AGBL1: variants seen among roughly 807,000 people sequenced by gnomAD.
AGBL1 encodes AGBL carboxypeptidase 1.
In AGBL1, 130 loss-of-function variants were observed where a neutral mutation model predicts 118.9. The observed-to-expected ratio is 1.09, with a 90% CI of 0.95 to 1.26. The LOEUF (loss-of-function observed/expected upper bound fraction) is 1.26. Among genes scored for constraint, AGBL1 ranks in the 50% most tolerant of loss-of-function variants. The pLI, the probability that AGBL1 is intolerant of heterozygous loss-of-function variation, is 0.00. For missense variants in AGBL1, 1,584 were observed against 1,298.1 expected (o/e 1.22, Z -3.38); for synonymous variants, 555 against 478.9 (o/e 1.16, Z -2.08).
At chr15:87,020,669 C>A (rs1206743365) in intron 24 of AGBL1, among the ~76,000 whole-genome samples, 1 of 151,992 alleles carries the variant, frequency 6.6e-6, no homozygotes, top group African/African-American at 2.4e-5. Context: ...ACAAAATAAA[C>A]ATGCAAAAAT....
At chr15:86,523,058 A>G in intron 19 of AGBL1, 119 bp downstream of exon 19, 2 of 1,221,192 alleles carry the variant, frequency 1.6e-6, no homozygotes, top group Non-Finnish European at 2.4e-6. Flanking sequence ...ATGACAAGAT[A>G]GAATGGAGGA....
chr15:86,572,390 G>T (rs1168637374), intron 21 of AGBL1, among the ~76,000 whole-genome samples: 1 of 152,182 alleles, frequency 6.6e-6, no homozygotes, highest in East Asian at 1.9e-4. Context: ...GGGGCTCCAG[G>T]TCCTCGCTGG....
intron 1 of AGBL1, among the ~76,000 whole-genome samples, chr15:86,098,162 A>G (rs1054242161): frequency 2.0e-5 from 3 of 151,794 alleles, no homozygotes; most frequent in African/African-American, 7.3e-5. Flanking sequence ...TTGTAATAAA[A>G]CTATTTATTT....
chr15:86,511,583 T>C (rs2083052855), intron 18 of AGBL1, among the ~76,000 whole-genome samples: 1 of 152,024 alleles, frequency 6.6e-6, no homozygotes, highest in South Asian at 2.1e-4. Flanking sequence ...CATCTGTAAA[T>C]CTCAACTTTC....
chr15:86,271,778 T>G, intron 15 of AGBL1, 72 bp downstream of exon 15: 1 of 1,397,940 alleles, frequency 7.2e-7, no homozygotes, highest in South Asian at 1.2e-5. Flanking sequence ...TTTTCCATAT[T>G]GATCTTATAA....
chr15:86,898,638 G>A (rs1567230000), intron 22 of AGBL1, among the ~76,000 whole-genome samples: 1 of 152,122 alleles, frequency 6.6e-6, no homozygotes, highest in Non-Finnish European at 1.5e-5. Context: ...GAAAATATTT[G>A]CAAACTATAT....
chr15:86,775,553 C>A (rs745895240), intron 22 of AGBL1, among the ~76,000 whole-genome samples: 3 of 152,098 alleles, frequency 2.0e-5, no homozygotes, highest in Non-Finnish European at 4.4e-5. Context: ...ATATCTCATA[C>A]TCTCTGAAGA....
intron 21 of AGBL1, among the ~76,000 whole-genome samples, chr15:86,670,880 C>T (rs1210132404): frequency 2.0e-5 from 3 of 150,650 alleles, no homozygotes; most frequent in Non-Finnish European, 4.5e-5. Flanking sequence ...AACAGATACT[C>T]TTCTTTTGTG....
Position 86,388,229 on chromosome 15 carries a change from T to A in AGBL1, c.2375-9137T>A, listed in dbSNP as rs921798931. On this transcript the variant is annotated intron_variant, in intron 17 of 22. Transcript: ENST00000614907. ...AAGCTGATTATTAGCCGTGATTACCTGCACTTTCTATTTTCTTCTGCTACC... is the reference window on the plus strand; with the variant it reads ...AAGCTGATTATTAGCCGTGATTACCAGCACTTTCTATTTTCTTCTGCTACC... Among the ~76,000 whole-genome samples the A allele has an allele frequency of 2.6e-5, 4 of 152,192 alleles. No individual in the cohort carries two copies. In the East Asian group the frequency reaches 5.8e-4, roughly 22 times the overall value.
intron 21 of AGBL1, among the ~76,000 whole-genome samples, chr15:86,556,454 A>G (rs1190706100): frequency 6.6e-6 from 1 of 152,212 alleles, no homozygotes; most frequent in Non-Finnish European, 1.5e-5. Flanking sequence ...CGAATGTATT[A>G]GTTTCCTCCT....
chr15:86,270,843 A>T (rs1173738435), intron 14 of AGBL1, among the ~76,000 whole-genome samples: 1 of 152,192 alleles, frequency 6.6e-6, no homozygotes, highest in Non-Finnish European at 1.5e-5. Context: ...TCAGAAGTCC[A>T]ACATCAGTTT....
rs557518043 is a variant in AGBL1 at position 86,324,026 on chromosome 15, T to C, written c.2374+28618T>C. ...AGAAGACTGTCAATAATTTCTGCAGTGAAATGCTTCATGTGCTATAAGAAA... is the reference window on the plus strand; with the variant it reads ...AGAAGACTGTCAATAATTTCTGCAGCGAAATGCTTCATGTGCTATAAGAAA... On this transcript the variant is annotated intron_variant, in intron 17 of 22. Coordinates refer to ENST00000614907, the MANE Select transcript of AGBL1 (RefSeq NM_001386094.1). Among the ~76,000 whole-genome samples, 44 of 152,328 alleles carry C rather than the reference T, an allele frequency of 2.9e-4. 1 individual carries two copies. In the South Asian group the frequency reaches 5.8e-3, roughly 20 times the overall value.
In AGBL1 at chr15:86,364,449, T is replaced by A. The variant is rs567624620; in HGVS notation, c.2375-32917T>A. ...TCCAGATCCTGCTACCATTTTGGTGTTTTATTGGCTTATCACCTACTCGTA... is the reference window on the plus strand; with the variant it reads ...TCCAGATCCTGCTACCATTTTGGTGATTTATTGGCTTATCACCTACTCGTA... On this transcript the variant is annotated intron_variant, in intron 17 of 22. Transcript: ENST00000614907. Among the ~76,000 whole-genome samples the A allele has an allele frequency of 3.7e-4, 56 of 152,268 alleles. No homozygotes were observed. The South Asian group carries it at 0.011, about 30-fold the overall frequency.
chr15:86,632,029 A>ATT (rs60551645), intron 21 of AGBL1, among the ~76,000 whole-genome samples: 292 of 146,042 alleles, frequency 2.0e-3, no homozygotes, highest in Non-Finnish European at 2.6e-3. Flanking sequence ...TATTTCCACA[A>ATT]TTTTTTTTTT....
chr15:86,775,750 T>G (rs1280273323), intron 22 of AGBL1, among the ~76,000 whole-genome samples: 1 of 152,190 alleles, frequency 6.6e-6, no homozygotes, highest in South Asian at 2.1e-4. Context: ...ATATTTTATA[T>G]TAAAATTGTT....
chr15:86,317,390 T>G (rs565410721), intron 17 of AGBL1, among the ~76,000 whole-genome samples: 1 of 152,174 alleles, frequency 6.6e-6, no homozygotes, highest in East Asian at 1.9e-4. Context: ...AAGGGAGAGA[T>G]AAATAAAGAA....
chr15:86,588,051 T>C (rs573691798), intron 21 of AGBL1, among the ~76,000 whole-genome samples: 1 of 152,334 alleles, frequency 6.6e-6, no homozygotes, highest in African/African-American at 2.4e-5. Flanking sequence ...TATTCTTCAT[T>C]ATTCTAAATA....
intron 21 of AGBL1, among the ~76,000 whole-genome samples, chr15:86,651,409 G>T (rs1269366660): frequency 6.6e-6 from 1 of 152,136 alleles, no homozygotes. Flanking sequence ...ATTAGATTCT[G>T]GTTAAAACTT....
intron 22 of AGBL1, among the ~76,000 whole-genome samples, chr15:86,756,456 G>C (rs1191990032): frequency 6.7e-6 from 1 of 149,948 alleles, no homozygotes; most frequent in African/African-American, 2.5e-5. Context: ...CTAAGTAAGA[G>C]GTGAAGAAGA....
Sources: allele counts gnomAD v4.1 joint callset (sites outside exome capture counted in the v4.1 genomes callset), GRCh38; gene constraint gnomAD v4.1.1; transcripts MANE v1.5; gene names NCBI Gene and HGNC (gene_info 2026-07-23, HGNC 2026-07-21).